TMEM43: variants seen among roughly 807,000 people sequenced by gnomAD.
TMEM43 encodes the protein transmembrane protein 43, also known as arrhythmogenic right ventricular dysplasia 5.
A neutral mutation model predicts 49.6 loss-of-function variants in TMEM43; 45 were observed. The ratio of observed to expected loss-of-function variants is 0.91; its 90% CI spans 0.71 to 1.16. TMEM43 has a LOEUF of 1.16. TMEM43 is among the 50% of genes most tolerant of loss of function. TMEM43 has a pLI of 0.00. For synonymous variants in TMEM43, 199 were observed against 207.8 expected, an observed-to-expected ratio of 0.96 and a Z score of 0.36; for missense variants, 532 against 516.6, an observed-to-expected ratio of 1.03 and a Z score of -0.29.
At chr3:14,132,111 G>A (rs1185054105) in intron 4 of TMEM43, among the ~76,000 whole-genome samples, 6 of 152,166 alleles carry the variant, frequency 3.9e-5, no homozygotes, top group Non-Finnish European at 8.8e-5. Context: ...GATCAGGGCT[G>A]GGGTCACCTG....
intron 8 of TMEM43, 70 bp downstream of exon 8, chr3:14,134,961 A>T: frequency 8.1e-6 from 13 of 1,608,766 alleles, no homozygotes; most frequent in Non-Finnish European, 1.1e-5. Context: ...TGCGCCAGGC[A>T]GATTCAGTTC....
chr3:14,127,173 C>A (rs1289014880), intron 1 of TMEM43, among the ~76,000 whole-genome samples: 2 of 152,110 alleles, frequency 1.3e-5, no homozygotes, highest in Non-Finnish European at 2.9e-5. Context: ...ACATGTAATA[C>A]ATACTATATG....
chr3:14,141,451 T>A lies in TMEM43; in HGVS notation c.1001-142T>A, dbSNP rs566222144. 8 of 841,930 alleles carry A rather than the reference T, an allele frequency of 9.5e-6. No homozygotes were observed. The African/African-American group carries it at 1.3e-4, about 14-fold the overall frequency. 52.2% of individuals were successfully genotyped at this position (841,930 alleles called of 1,614,324 possible). A position where few individuals can be genotyped will look rare whatever the true frequency, so the allele number is the denominator to read the frequency against. On this transcript the variant is annotated intron_variant, in intron 11 of 11. Coordinates refer to ENST00000306077, the MANE Select transcript of TMEM43 (RefSeq NM_024334.3). ...GCTCCCTTAGCTTTCAGAACGAAGC[T>A]CCTTGCCTTCCACCCACTGATCCTC...
At position 14,136,824 on chromosome 3, in the gene TMEM43, C is replaced by G. The variant is rs574138859; in HGVS notation, c.882+916C>G. On this transcript the variant is annotated intron_variant, in intron 10 of 11. Transcript: ENST00000306077. ...TGTAAATAGGGAGGGCTATGCCTAC[C>G]CCGGGTCCCAAGGAGAAGGGGTGCC... Among the ~76,000 whole-genome samples, 13 of 148,914 alleles carry G rather than the reference C, an allele frequency of 8.7e-5. 3 individuals carry two copies. In the East Asian group the frequency reaches 2.4e-3, roughly 27 times the overall value.
intron 10 of TMEM43, among the ~76,000 whole-genome samples, chr3:14,136,244 A>G (rs75263282): frequency 6.6e-6 from 1 of 152,208 alleles, no homozygotes; most frequent in East Asian, 1.9e-4. Flanking sequence ...CATGGGGTCA[A>G]GTGTGGGATT....
intron 10 of TMEM43, chr3:14,136,125 A>G (rs760301348): frequency 4.6e-6 from 3 of 645,618 alleles, no homozygotes; most frequent in Non-Finnish European, 8.5e-6. Context: ...TATATACATA[A>G]TGAGATCTCT....
intron 8 of TMEM43, 101 bp downstream of exon 8, chr3:14,134,992 T>C: frequency 6.3e-7 from 1 of 1,577,646 alleles, no homozygotes; most frequent in African/African-American, 1.3e-5. Flanking sequence ...ACAGCTGCAC[T>C]TGGCCAAGTG....
At chr3:14,127,174 A>G (rs1041734256) in intron 1 of TMEM43, among the ~76,000 whole-genome samples, 2 of 152,188 alleles carry the variant, frequency 1.3e-5, no homozygotes, top group Non-Finnish European at 2.9e-5. Flanking sequence ...CATGTAATAC[A>G]TACTATATGT....
intron 11 of TMEM43, among the ~76,000 whole-genome samples, chr3:14,139,724 T>C (rs1695223456): frequency 6.6e-6 from 1 of 152,188 alleles, no homozygotes; most frequent in African/African-American, 2.4e-5. Context: ...ATGCAGAGTT[T>C]TATGAAATGT....
intron 7 of TMEM43, 83 bp from the exon 8 acceptor site, chr3:14,134,687 G>A: frequency 6.3e-7 from 1 of 1,593,544 alleles, no homozygotes; most frequent in Non-Finnish European, 8.6e-7. Context: ...CAGGGGTGCA[G>A]TGGAAGGGGG....
At chr3:14,137,793 T>A (rs1305663026) in intron 10 of TMEM43, 1 of 152,244 alleles carries the variant, frequency 6.6e-6, no homozygotes, top group African/African-American at 2.4e-5. Flanking sequence ...CATCCCTAAC[T>A]GGTTTGGTCA....
chr3:14,139,725 T>C lies in TMEM43; in HGVS notation c.1000+428T>C, dbSNP rs534094305. ...ACCTCACCCCTTACATGCAGAGTTT[T>C]ATGAAATGTGGCAAATAGGAAACAC... On this transcript the variant is annotated intron_variant, in intron 11 of 11. Coordinates refer to ENST00000306077, the MANE Select transcript of TMEM43 (RefSeq NM_024334.3). Among the ~76,000 whole-genome samples the C allele has an allele frequency of 9.2e-5, 14 of 152,324 alleles. No homozygotes were observed. The South Asian group carries it at 2.9e-3, about 32-fold the overall frequency.
At chr3:14,133,282 T>C (rs549655058) in intron 6 of TMEM43, among the ~76,000 whole-genome samples, 3 of 152,094 alleles carry the variant, frequency 2.0e-5, no homozygotes, top group Non-Finnish European at 4.4e-5. Context: ...TGTTCAGGCT[T>C]CTCAGGATTT....
At chr3:14,130,980 C>T (rs951871594) in intron 3 of TMEM43, 24 bp downstream of exon 3, 1 of 1,601,972 alleles carries the variant, frequency 6.2e-7, no homozygotes, top group Non-Finnish European at 8.5e-7. Flanking sequence ...GGGATGCTGA[C>T]CTGCCAGTGG....
In TMEM43 at chr3:14,142,103, G is replaced by A. The variant is rs2124997838; in HGVS notation, c.*308G>A. ...CTGAGTGGGTACGGCCAGCCACTCAGCCCATTGGCAGCTGACAACGCAGAC... is the reference window on the plus strand; with the variant it reads ...CTGAGTGGGTACGGCCAGCCACTCAACCCATTGGCAGCTGACAACGCAGAC... On this transcript the variant is annotated 3_prime_UTR_variant, in exon 12 of 12. Coordinates refer to ENST00000306077, the MANE Select transcript of TMEM43 (RefSeq NM_024334.3). 2.3e-6 allele frequency: 1 copy of A among 434,954 alleles called. No individual in the cohort carries two copies. The highest frequency in any genetic ancestry group is 2.4e-5 in the South Asian group (1 of 42,084). 26.9% of individuals were successfully genotyped at this position (434,954 alleles called of 1,614,324 possible). A position where few individuals can be genotyped will look rare whatever the true frequency, so the allele number is the denominator to read the frequency against.
At position 14,125,056 on chromosome 3, in the gene TMEM43, T is replaced by TA; in HGVS notation, c.-136dup. 1 of 1,130,496 alleles carries TA rather than the reference T, an allele frequency of 8.8e-7. No individual in the cohort carries two copies. The highest frequency in any genetic ancestry group is 1.9e-4 in the Middle Eastern group (1 of 5,206). 70.0% of individuals were successfully genotyped at this position (1,130,496 alleles called of 1,614,324 possible). A position where few individuals can be genotyped will look rare whatever the true frequency, so the allele number is the denominator to read the frequency against. On this transcript the variant is annotated 5_prime_UTR_variant, in exon 1 of 12. Transcript: ENST00000306077. ...TGGGCACAGGGGGAGGTAACTGCAG[T>TA]AAGTCCCGCTTGGCCCTGGAGTCCA...
rs770619613 is a variant in TMEM43 at position 14,129,446 on chromosome 3, A to T, written c.47A>T (p.Lys16Ile). The change falls in exon 2 of 12, where the codon AAA (lysine) becomes ATA (isoleucine). Residue 16 changes from lysine (K) to isoleucine (I), a missense_variant. By Grantham distance (102) the Lys-to-Ile change is moderately radical (BLOSUM62 -3). Coordinates refer to ENST00000306077, the MANE Select transcript of TMEM43 (RefSeq NM_024334.3). ...SSTSTRREHV[K>I]VKTSSQPGFL... ...ACCAGTACCCGGAGAGAACATGTCA[A>T]AGTTAAAACCAGCTCCCAGCCAGGC... The T allele has an allele frequency of 2.5e-6, 4 of 1,613,950 alleles. No individual in the cohort carries two copies. The highest frequency in any genetic ancestry group is 3.4e-6 in the Non-Finnish European group (4 of 1,180,012).
At chr3:14,133,251 C>G (rs1263661011) in intron 6 of TMEM43, among the ~76,000 whole-genome samples, 1 of 152,230 alleles carries the variant, frequency 6.6e-6, no homozygotes, top group African/African-American at 2.4e-5. Context: ...TCAGGACAGG[C>G]TTTCCAGAGG....
chr3:14,133,773 CCCTTTGTCCAAA>C lies in TMEM43; in HGVS notation c.548_559del (p.Pro183_Ile187delinsLeu), dbSNP rs759704045. 1.2e-5 allele frequency: 20 copies of C among 1,614,058 alleles called. No homozygotes were observed. The highest frequency in any genetic ancestry group is 1.5e-5 in the Non-Finnish European group (18 of 1,180,022). ...AGTGGAGTCATTCATGGCAACAGCCCCCTTTGTCCAAATTGGCAGGTTTTTCCTCTCGTCAGG... is the reference window on the plus strand; with the variant it reads ...AGTGGAGTCATTCATGGCAACAGCCCTTGGCAGGTTTTTCCTCTCGTCAGG... On this transcript the variant is annotated inframe_deletion, in exon 7 of 12. Coordinates refer to ENST00000306077, the MANE Select transcript of TMEM43 (RefSeq NM_024334.3).
Sources: allele counts gnomAD v4.1 joint callset (sites outside exome capture counted in the v4.1 genomes callset), GRCh38; gene constraint gnomAD v4.1.1; transcripts MANE v1.5; gene names NCBI Gene and HGNC (gene_info 2026-07-23, HGNC 2026-07-21).